The following ZNF879 variants were observed in gnomAD, a reference collection of about 807,000 sequenced individuals.
The protein encoded by ZNF879 is zinc finger protein 879.
Under a neutral mutation model 44.3 loss-of-function variants are expected in ZNF879, and 32 were observed. That is an observed-to-expected ratio of 0.72 (90% CI 0.54 to 0.97). The LOEUF (loss-of-function observed/expected upper bound fraction) is 0.97. Among genes scored for constraint, ZNF879 ranks in the 50% least tolerant of loss-of-function variants. The pLI is 0.00. For synonymous variants in ZNF879, 234 were observed against 233.2 expected, an observed-to-expected ratio of 1.00 and a Z score of -0.03; for missense variants, 621 against 669.7, an observed-to-expected ratio of 0.93 and a Z score of 0.80.
At chr5:179,024,709 T>G in intron 1 of ZNF879, 2 of 432,690 alleles carry the variant, frequency 4.6e-6, no homozygotes, top group South Asian at 7.8e-5. Context: ...TTGACCCTGT[T>G]AAGGCACGGC....
Position 179,032,214 on chromosome 5 carries a change from G to T in ZNF879, c.266G>T (p.Ser89Ile), listed in dbSNP as rs942648905. The change falls in exon 5 of 5, where the codon AGC (serine) becomes ATC (isoleucine). Residue 89 changes from serine to isoleucine, a missense_variant. Physicochemically the swap from Ser to Ile is moderately radical, Grantham distance 142. Transcript: ENST00000444149. ...VPQGAHLGWE[S>I]LFGTIVSKEE... Reference sequence around the variant, plus strand: ...GTTTTGTCTACTTTAGGATGGGAAAGCTTGTTTGGAACCATAGTTTCTAAA... The same window carrying T: ...GTTTTGTCTACTTTAGGATGGGAAATCTTGTTTGGAACCATAGTTTCTAAA... 2 of 1,509,328 alleles carry T rather than the reference G, an allele frequency of 1.3e-6. No individual in the cohort carries two copies. Among genetic ancestry groups the T allele is most frequent in the South Asian group, 1.3e-5 (1 of 76,190 alleles). The allele number at this position is 1,509,328 out of a possible 1,614,324, so 93.5% of individuals were successfully genotyped here. A position where few individuals can be genotyped will look rare whatever the true frequency, so the allele number is the denominator to read the frequency against.
At chr5:179,032,101 C>G (rs1761431912) in intron 4 of ZNF879, 104 bp from the exon 5 acceptor site, 1 of 907,700 alleles carries the variant, frequency 1.1e-6, no homozygotes, top group African/African-American at 1.7e-5. Context: ...CCATCCTTTT[C>G]TAAGATTTCA....
Position 179,034,660 on chromosome 5 carries a change from G to C in ZNF879, c.*1020G>C, listed in dbSNP as rs1178149861. On this transcript the variant is annotated 3_prime_UTR_variant, in exon 5 of 5. Transcript: ENST00000444149. ...GTCACTGGGCAAATATTTAGGCTCT[G>C]AGTTCAGATACTCTTTCTTCCAGCA... 1 of 152,208 alleles carries C rather than the reference G, an allele frequency of 6.6e-6. No individual in the cohort carries two copies. The highest frequency in any genetic ancestry group is 1.5e-5 in the Non-Finnish European group (1 of 68,040). The allele number at this position is 152,208 out of a possible 1,614,324, so 9.4% of individuals were successfully genotyped here.
intron 4 of ZNF879, among the ~76,000 whole-genome samples, chr5:179,031,402 C>T (rs560288129): frequency 4.6e-5 from 7 of 152,330 alleles, no homozygotes; most frequent in African/African-American, 1.7e-4. Flanking sequence ...CTATTCCTGC[C>T]TAGGGCCTTT....
intron 4 of ZNF879, 87 bp downstream of exon 4, chr5:179,028,214 A>C: frequency 8.5e-7 from 1 of 1,174,420 alleles, no homozygotes; most frequent in Non-Finnish European, 1.2e-6. Context: ...GGTCTCCTTG[A>C]TGTGCCAGGC....
Position 179,033,088 on chromosome 5 carries a change from A to G in ZNF879, c.1140A>G (p.Val380=), listed in dbSNP as rs781769103. The part of the protein sequence containing the change: ...KPFHCNECGK[V]FSYHSALIIH... ...TTCATTGTAACGAGTGTGGAAAAGTATTCAGCTATCACTCAGCCCTTATCA... is the reference window on the plus strand; with the variant it reads ...TTCATTGTAACGAGTGTGGAAAAGTGTTCAGCTATCACTCAGCCCTTATCA... The change falls in exon 5 of 5, where the codon GTA becomes GTG. Residue 380 remains valine (V), a synonymous_variant. Transcript: ENST00000444149. 16 of 1,569,048 alleles carry G rather than the reference A, an allele frequency of 1.0e-5. No homozygotes were observed. Among genetic ancestry groups the G allele is most frequent in the East Asian group, 2.4e-5 (1 of 41,946 alleles).
chr5:179,033,358 C>T lies in ZNF879; in HGVS notation c.1410C>T (p.Gly470=), dbSNP rs555163702. 1.2e-4 allele frequency: 187 copies of T among 1,562,544 alleles called. No homozygotes were observed. The highest frequency in any genetic ancestry group is 1.5e-4 in the Non-Finnish European group (169 of 1,153,364). ...GAAAAGCCTTCAGTTCCCACTCAGG[C>T]GTTAATACTCATCGAAAAATTCATA... The part of the protein sequence containing the change: ...ECGKAFSSHS[G]VNTHRKIHTG... Residue 470 remains glycine, a synonymous_variant, in exon 5 of 5, where the codon GGC becomes GGT. Transcript: ENST00000444149.
intron 2 of ZNF879, among the ~76,000 whole-genome samples, chr5:179,026,135 G>C (rs1761263744): frequency 6.6e-6 from 1 of 150,394 alleles, no homozygotes; most frequent in South Asian, 2.1e-4. Context: ...AAGGAGATAA[G>C]CTTTGTACGC....
rs561181966 is a variant in ZNF879 at position 179,025,053 on chromosome 5, T to C, written c.33+16T>C. The C allele has an allele frequency of 1.6e-5, 25 of 1,551,430 alleles. No individual in the cohort carries two copies. Among genetic ancestry groups the C allele is most frequent in the Non-Finnish European group, 2.2e-5 (25 of 1,146,800 alleles). On this transcript the variant is annotated intron_variant, in intron 2 of 4. Transcript: ENST00000444149. ...CCATGTACAGGTGAGTGAAGGCTTC[T>C]TTTTGCTTGAACTGCCTTCAGGGTC...
intron 4 of ZNF879, among the ~76,000 whole-genome samples, chr5:179,028,994 G>A (rs1171556585): frequency 2.6e-5 from 4 of 151,974 alleles, no homozygotes; most frequent in South Asian, 4.2e-4. Flanking sequence ...CTTGGGTAAC[G>A]GTTTTCAAAA....
At chr5:179,026,609 A>G (rs762384231) in intron 2 of ZNF879, among the ~76,000 whole-genome samples, 16 of 152,216 alleles carry the variant, frequency 1.1e-4, no homozygotes, top group Admixed American at 2.0e-4. Context: ...CAGCCTTCTG[A>G]ATAACCGGGA....
intron 4 of ZNF879, among the ~76,000 whole-genome samples, chr5:179,030,736 T>C (rs1561735791): frequency 6.6e-6 from 1 of 152,232 alleles, no homozygotes. Context: ...ATTTCTTTTG[T>C]AGTTAAGAAA....
At chr5:179,025,304 C>G (rs543963977) in intron 2 of ZNF879, among the ~76,000 whole-genome samples, 12 of 152,050 alleles carry the variant, frequency 7.9e-5, no homozygotes, top group Non-Finnish European at 1.8e-4. Flanking sequence ...ACTGCAGCCT[C>G]AACCTCCCTG....
rs1761323184 is a variant in ZNF879, at chr5:179,028,239, G to T, written c.256+112G>T. On this transcript the variant is annotated intron_variant, in intron 4 of 4. Coordinates refer to ENST00000444149, the MANE Select transcript of ZNF879 (RefSeq NM_001136116.3). ...ATGTGCCAGGCCAGGGGGAAATGCT[G>T]GGAAGGTAGATCCTTTCTCTTTTGA... The T allele has an allele frequency of 3.3e-6, 3 of 919,610 alleles. No homozygotes were observed. The East Asian group carries it at 8.1e-5, about 25-fold the overall frequency. 57.0% of individuals were successfully genotyped at this position (919,610 alleles called of 1,614,324 possible). A position where few individuals can be genotyped will look rare whatever the true frequency, so the allele number is the denominator to read the frequency against.
At chr5:179,031,634 A>G (rs771017478) in intron 4 of ZNF879, among the ~76,000 whole-genome samples, 4 of 152,180 alleles carry the variant, frequency 2.6e-5, no homozygotes, top group Non-Finnish European at 4.4e-5. Context: ...TCTGTATCAC[A>G]CTGCTGGAAT....
chr5:179,031,747 TAAGTGG>T (rs1434205192), intron 4 of ZNF879, among the ~76,000 whole-genome samples: 3 of 152,192 alleles, frequency 2.0e-5, no homozygotes, highest in Non-Finnish European at 4.4e-5. Flanking sequence ...ATTACTTGAG[TAAGTGG>T]ATGCCATTAT....
intron 1 of ZNF879, chr5:179,024,735 C>T (rs544300426): frequency 6.7e-5 from 34 of 504,794 alleles, no homozygotes; most frequent in Admixed American, 6.6e-4. Context: ...GTCTTCATCC[C>T]TTCGCTCCTT....
At position 179,032,758 on chromosome 5, in the gene ZNF879, T is replaced by C. The variant is rs1055461885; in HGVS notation, c.810T>C (p.Ser270=). The C allele has an allele frequency of 3.2e-6, 5 of 1,554,084 alleles. No homozygotes were observed. In the African/African-American group the frequency reaches 6.8e-5, roughly 21 times the overall value. The stretch of plus-strand genomic sequence containing the variant: ...GTAGTGAATGTGGAAAAGCCTTCAG[T>C]TTCACCACATCTCTTATTGGACACC... ...YICSECGKAF[S]FTTSLIGHQR... is the part of the protein sequence containing the mutation. The change falls in exon 5 of 5, where the codon AGT becomes AGC. Residue 270 remains serine, a synonymous_variant. Coordinates refer to ENST00000444149, the MANE Select transcript of ZNF879 (RefSeq NM_001136116.3).
In ZNF879 at chr5:179,032,485, A is replaced by C. The variant is rs1761446675; in HGVS notation, c.537A>C (p.Arg179Ser). ...TTAGAAAACCGAGAATAGTTTCCAG[A>C]GGAAGGAGACCCCGTTCACAGCAGT... The part of the protein sequence containing the change: ...SLIRKPRIVS[R>S]GRRPRSQQYS... Residue 179 changes from arginine to serine, a missense_variant, in exon 5 of 5, where the codon AGA becomes AGC. By Grantham distance (110) the Arg-to-Ser change is moderately radical. Coordinates refer to ENST00000444149, the MANE Select transcript of ZNF879 (RefSeq NM_001136116.3). The C allele has an allele frequency of 1.9e-6, 3 of 1,551,614 alleles. No homozygotes were observed. The highest frequency in any genetic ancestry group is 2.6e-6 in the Non-Finnish European group (3 of 1,147,000).
Sources: gnomAD v4.1 joint callset for allele counts (sites outside exome capture counted in the v4.1 genomes callset) on GRCh38, gnomAD v4.1.1 for gene constraint, MANE v1.5 for transcripts, NCBI Gene and HGNC (gene_info 2026-07-23, HGNC 2026-07-21) for gene names.